LSG1: variants seen among roughly 807,000 people sequenced by gnomAD.
LSG1 encodes the protein large subunit GTPase 1 homolog.
A neutral mutation model predicts 82.6 loss-of-function variants in LSG1; 55 were observed. That is an observed-to-expected ratio of 0.67 (90% CI 0.54 to 0.83). LSG1 has a LOEUF of 0.83. Ranked by LOEUF, LSG1 falls within the 40% of genes least tolerant of loss-of-function variation. LSG1 has a pLI of 0.00. For missense variants in LSG1, 809 were observed against 807.9 expected (o/e 1.00, Z -0.02); for synonymous variants, 272 against 282.5 (o/e 0.96, Z 0.37).
At chr3:194,658,377 C>A (rs1480915428) in intron 7 of LSG1, among the ~76,000 whole-genome samples, 1 of 152,144 alleles carries the variant, frequency 6.6e-6, no homozygotes, top group African/African-American at 2.4e-5. Flanking sequence ...GAACTCCCGA[C>A]CTCAGGTGAT....
chr3:194,667,815 CAGG>C (rs1719059511), intron 2 of LSG1, among the ~76,000 whole-genome samples: 2 of 149,146 alleles, frequency 1.3e-5, no homozygotes, highest in Admixed American at 1.3e-4. Flanking sequence ...CCCAGCTACT[CAGG>C]AGGCTGAGGC....
chr3:194,645,621 C>G (rs948146145), intron 12 of LSG1, among the ~76,000 whole-genome samples: 39 of 143,416 alleles, frequency 2.7e-4, no homozygotes, highest in South Asian at 9.0e-4. Context: ...CACACACACA[C>G]AGAGTTTTCA....
At chr3:194,659,626 G>A (rs1380395848) in intron 6 of LSG1, among the ~76,000 whole-genome samples, 2 of 152,172 alleles carry the variant, frequency 1.3e-5, no homozygotes, top group East Asian at 1.9e-4. Flanking sequence ...ACTCTCACAT[G>A]TTAGTTATCA....
At chr3:194,648,950 TA>T in intron 10 of LSG1, 146 bp from the exon 11 acceptor site, 1 of 743,928 alleles carries the variant, frequency 1.3e-6, no homozygotes, top group South Asian at 2.0e-5. Flanking sequence ...TTGATTAATC[TA>T]AAAAGACTCA....
intron 13 of LSG1, among the ~76,000 whole-genome samples, chr3:194,642,611 T>C (rs1289498067): frequency 6.6e-6 from 1 of 152,066 alleles, no homozygotes. Context: ...AAAAAATTAG[T>C]ACCCTACGAT....
intron 7 of LSG1, among the ~76,000 whole-genome samples, chr3:194,654,367 G>C (rs1434026304): frequency 6.6e-6 from 1 of 152,202 alleles, no homozygotes; most frequent in Non-Finnish European, 1.5e-5. Flanking sequence ...ACTTGAAAGT[G>C]ATGGAAACCT....
chr3:194,667,032 C>A (rs1719043859), intron 2 of LSG1, among the ~76,000 whole-genome samples: 1 of 151,778 alleles, frequency 6.6e-6, no homozygotes, highest in Non-Finnish European at 1.5e-5. Context: ...GGTGCTGGCT[C>A]ATAGGATATG....
rs1364661812 is a variant in LSG1 at position 194,652,724 on chromosome 3, C to A, written c.1173+5G>T. ...GTAACAATGTTATGACATATGTCAT[C>A]TTACCAGTCCGACCGTAAGTTGCCC... On this transcript the variant is annotated splice_donor_5th_base_variant and intron_variant, in intron 8 of 13. Transcript: ENST00000265245. 1.9e-6 allele frequency: 3 copies of A among 1,609,766 alleles called. No homozygotes were observed. Among genetic ancestry groups the A allele is most frequent in the Non-Finnish European group, 2.5e-6 (3 of 1,177,320 alleles).
In LSG1 at chr3:194,649,153, T is replaced by TTAGGCAGG. The variant is rs1190197011; in HGVS notation, c.1420-357_1420-350dup. The TTAGGCAGG allele has an allele frequency of 4.6e-4, 113 of 244,252 alleles. 1 individual carries two copies. The highest frequency in any genetic ancestry group is 7.6e-4 in the Non-Finnish European group (96 of 126,596). 15.1% of individuals were successfully genotyped at this position (244,252 alleles called of 1,614,324 possible). A position where few individuals can be genotyped will look rare whatever the true frequency, so the allele number is the denominator to read the frequency against. ...GAGTCTCTGTTTCTAATGCCTACAG[T>TTAGGCAGG]TAGGCAGGATTACTTTTCCTCCTTT... On this transcript the variant is annotated intron_variant, in intron 10 of 13. Transcript: ENST00000265245.
chr3:194,642,072 A>C lies in LSG1; in HGVS notation c.1973T>G (p.Met658Arg), dbSNP rs777750271. The C allele has an allele frequency of 1.9e-5, 30 of 1,611,954 alleles. No homozygotes were observed. In the East Asian group the frequency reaches 6.7e-4, roughly 36 times the overall value. Residue 658 changes from methionine to arginine, a missense_variant, in exon 14 of 14, where the codon ATG becomes AGG. Met to Arg is a moderately conservative substitution (Grantham distance 91). Coordinates refer to ENST00000265245, the MANE Select transcript of LSG1 (RefSeq NM_018385.3). ...KSRRLYKHLDM is the reference protein window; with the variant it reads ...KSRRLYKHLDR Reference sequence around the variant, plus strand: ...CATTTCTGTTGCAGCCCAACCTCACATATCCAGGTGCTTGTAGAGTCTACG... The same window carrying C: ...CATTTCTGTTGCAGCCCAACCTCACCTATCCAGGTGCTTGTAGAGTCTACG...
In LSG1 at chr3:194,644,531, A is replaced by G. The variant is rs757277083; in HGVS notation, c.1797+42T>C. The stretch of plus-strand genomic sequence containing the variant: ...GATACTCAATAAAGCTGTTATAAAA[A>G]GAGTGTTGGATCAGAAGTTTAAGAA... On this transcript the variant is annotated intron_variant, in intron 13 of 13. Coordinates refer to ENST00000265245, the MANE Select transcript of LSG1 (RefSeq NM_018385.3). 5 of 1,512,272 alleles carry G rather than the reference A, an allele frequency of 3.3e-6. No individual in the cohort carries two copies. The Admixed American group carries it at 7.0e-5, about 21-fold the overall frequency. The allele number at this position is 1,512,272 out of a possible 1,614,324, so 93.7% of individuals were successfully genotyped here.
chr3:194,643,519 T>C (rs1032506796), intron 13 of LSG1, among the ~76,000 whole-genome samples: 4 of 152,074 alleles, frequency 2.6e-5, no homozygotes, highest in Admixed American at 6.5e-5. Flanking sequence ...TGTATTAGGA[T>C]GGCTAAAATA....
chr3:194,656,378 C>G (rs1718790613), intron 7 of LSG1, among the ~76,000 whole-genome samples: 1 of 151,918 alleles, frequency 6.6e-6, no homozygotes, highest in African/African-American at 2.4e-5. Context: ...ATTTATGCAG[C>G]CAAAAAACAT....
intron 13 of LSG1, among the ~76,000 whole-genome samples, chr3:194,642,487 A>T (rs1718420964): frequency 6.6e-6 from 1 of 151,546 alleles, no homozygotes; most frequent in South Asian, 2.1e-4. Context: ...TGCCATCTAC[A>T]ACTAGACTTA....
chr3:194,655,668 A>T (rs1718776051), intron 7 of LSG1, among the ~76,000 whole-genome samples: 1 of 152,192 alleles, frequency 6.6e-6, no homozygotes, highest in Non-Finnish European at 1.5e-5. Flanking sequence ...ATATATCTAT[A>T]TTCACATAAA....
At position 194,648,075 on chromosome 3, in the gene LSG1, AT is replaced by A. The variant is rs990548703; in HGVS notation, c.1543+605del. Reference sequence around the variant, plus strand: ...GCACGGAAATGTTTCCCACACTGCTATTTTTTTTTTTTTTTTTTTTTTTAGG... The same window carrying A: ...GCACGGAAATGTTTCCCACACTGCTATTTTTTTTTTTTTTTTTTTTTTAGG... On this transcript the variant is annotated intron_variant, in intron 11 of 13. Coordinates refer to ENST00000265245, the MANE Select transcript of LSG1 (RefSeq NM_018385.3). Among the ~76,000 whole-genome samples, 505 of 117,922 alleles carry A rather than the reference AT, an allele frequency of 4.3e-3. 1 individual carries two copies. The highest frequency in any genetic ancestry group is 5.0e-3 in the East Asian group (21 of 4,210). 77.4% of individuals were successfully genotyped at this position (117,922 alleles called of 152,430 possible). A position where few individuals can be genotyped will look rare whatever the true frequency, so the allele number is the denominator to read the frequency against.
rs780227395 is a variant in LSG1, at chr3:194,659,117, T to C, written c.599A>G (p.Glu200Gly). 6.2e-7 allele frequency: 1 copy of C among 1,613,312 alleles called. No individual in the cohort carries two copies. The highest frequency in any genetic ancestry group is 1.1e-5 in the South Asian group (1 of 90,980). The change falls in exon 7 of 14, where the codon GAA (glutamate) becomes GGA (glycine). Residue 200 changes from glutamate (E) to glycine (G), a missense_variant. Physicochemically the swap from Glu to Gly is moderately conservative, Grantham distance 98. Coordinates refer to ENST00000265245, the MANE Select transcript of LSG1 (RefSeq NM_018385.3). The stretch of plus-strand genomic sequence containing the variant: ...GACGTTCTCCTTATTGGCATCCATT[T>C]CTTTCACATAACATTCCTAAGCAAG... ...RCEDLECYVK[E>G]MDANKENVIL...
intron 5 of LSG1, 141 bp from the exon 6 acceptor site, chr3:194,660,274 C>T (rs777518495): frequency 1.1e-4 from 73 of 687,836 alleles, no homozygotes; most frequent in Non-Finnish European, 1.7e-4. Flanking sequence ...TAATTATTCC[C>T]GGTTTATATA....
chr3:194,642,090 A>G lies in LSG1; in HGVS notation c.1955T>C (p.Leu652Pro). The G allele has an allele frequency of 1.2e-6, 2 of 1,612,782 alleles. No individual in the cohort carries two copies. Among genetic ancestry groups the G allele is most frequent in the Admixed American group, 1.7e-5 (1 of 60,008 alleles). ...NRNKKEKSRR[L>P]YKHLDM ...ACCTCACATATCCAGGTGCTTGTAG[A>G]GTCTACGACTTTTTTCTTTTTTATT... The change falls in exon 14 of 14, where the codon CTC becomes CCC. Residue 652 changes from leucine (L) to proline (P), a missense_variant. Transcript: ENST00000265245.
Sources: gnomAD v4.1 joint callset for allele counts (sites outside exome capture counted in the v4.1 genomes callset) on GRCh38, gnomAD v4.1.1 for gene constraint, MANE v1.5 for transcripts, NCBI Gene and HGNC (gene_info 2026-07-23, HGNC 2026-07-21) for gene names.